Variants in KCNQ5 observed in about 807,000 individuals in gnomAD.
KCNQ5 encodes the protein potassium voltage-gated channel subfamily Q member 5, also known as potassium voltage-gated channel subfamily KQT member 5.
A neutral mutation model predicts 98.2 loss-of-function variants in KCNQ5; 30 were observed. The observed-to-expected ratio is 0.31, with a 90% CI of 0.23 to 0.41. The LOEUF is 0.41. Ranked by LOEUF, KCNQ5 falls within the 10% of genes least tolerant of loss-of-function variation. The probability of loss-of-function intolerance (pLI) is 1.00; values close to 1 mark genes in which losing one functional copy is unlikely to be tolerated. For synonymous variants in KCNQ5, 458 were observed against 449.4 expected (o/e 1.02, Z -0.24); for missense variants, 835 against 1,182.5 (o/e 0.71, Z 4.31).
intron 11 of KCNQ5, among the ~76,000 whole-genome samples, chr6:73,173,094 A>G (rs1192748545): frequency 6.6e-6 from 1 of 152,224 alleles, no homozygotes; most frequent in Admixed American, 6.5e-5. Flanking sequence ...TACATAGTAA[A>G]GAATTACTAT....
At position 73,025,623 on chromosome 6, in the gene KCNQ5, C is replaced by CAAAAAAAAAAAAAAAAAA. The variant is rs58607159; in HGVS notation, c.490-16294_490-16277dup. 4.9e-4 allele frequency among the ~76,000 whole-genome samples: 26 copies of CAAAAAAAAAAAAAAAAAA among 52,996 alleles called. 1 individual carries two copies. The highest frequency in any genetic ancestry group is 1.5e-3 in the East Asian group (3 of 1,976). 34.8% of individuals were successfully genotyped at this position (52,996 alleles called of 152,430 possible). On this transcript the variant is annotated intron_variant, in intron 2 of 13. Coordinates refer to ENST00000370398, the MANE Select transcript of KCNQ5 (RefSeq NM_019842.4). Reference sequence around the variant, plus strand: ...GGGCGACAAGAGCAAAACTCCATCTCAAAAAAAAAAAAAAAAAAAAAAAAA... The same window carrying CAAAAAAAAAAAAAAAAAA: ...GGGCGACAAGAGCAAAACTCCATCTCAAAAAAAAAAAAAAAAAAAAAAAAAAAAAAAAAAAAAAAAAAA...
At chr6:72,637,193 T>C (rs975199567) in intron 1 of KCNQ5, among the ~76,000 whole-genome samples, 1 of 152,192 alleles carries the variant, frequency 6.6e-6, no homozygotes, top group Non-Finnish European at 1.5e-5. Context: ...ATACTTTGTT[T>C]GGAGATGTTA....
intron 1 of KCNQ5, among the ~76,000 whole-genome samples, chr6:72,823,699 T>C (rs1335025752): frequency 6.6e-6 from 1 of 152,144 alleles, no homozygotes; most frequent in Non-Finnish European, 1.5e-5. Flanking sequence ...CACATCCTAC[T>C]TCTGTGACAC....
chr6:72,655,060 C>G (rs1766099991), intron 1 of KCNQ5, among the ~76,000 whole-genome samples: 1 of 149,082 alleles, frequency 6.7e-6, no homozygotes, highest in Admixed American at 6.7e-5. Flanking sequence ...TTCTTTCTTT[C>G]TTTCTTTCTT....
intron 1 of KCNQ5, among the ~76,000 whole-genome samples, chr6:72,953,493 C>T (rs1766903401): frequency 6.6e-6 from 1 of 152,194 alleles, no homozygotes; most frequent in Non-Finnish European, 1.5e-5. Context: ...AACAATTATA[C>T]TTAAATTCCT....
intron 1 of KCNQ5, among the ~76,000 whole-genome samples, chr6:72,873,771 T>C (rs956425180): frequency 1.3e-5 from 2 of 152,092 alleles, no homozygotes; most frequent in African/African-American, 4.8e-5. Context: ...ACAAATGAGA[T>C]GAGCTAGTTT....
chr6:73,026,447 T>C (rs1330680359), intron 2 of KCNQ5, among the ~76,000 whole-genome samples: 2 of 152,150 alleles, frequency 1.3e-5, no homozygotes, highest in Non-Finnish European at 2.9e-5. Context: ...TTGACTCCCT[T>C]AATAACTTAG....
At chr6:72,668,398 A>C (rs1380923261) in intron 1 of KCNQ5, among the ~76,000 whole-genome samples, 1 of 152,150 alleles carries the variant, frequency 6.6e-6, no homozygotes, top group African/African-American at 2.4e-5. Context: ...AGAGCAATGA[A>C]ATAAATTAAG....
chr6:72,986,535 C>G, intron 1 of KCNQ5: 4 of 560,898 alleles, frequency 7.1e-6, no homozygotes, highest in Non-Finnish European at 1.3e-5. Context: ...TGGGAAGGCA[C>G]CTGAGATGCC....
intron 1 of KCNQ5, among the ~76,000 whole-genome samples, chr6:72,917,428 G>GCCC (rs35159235): frequency 3.3e-5 from 5 of 151,256 alleles, no homozygotes; most frequent in African/African-American, 1.2e-4. Flanking sequence ...GGATTTAGGA[G>GCCC]CCCCCCCACC....
chr6:72,706,705 C>A (rs1253446167), intron 1 of KCNQ5, among the ~76,000 whole-genome samples: 2 of 152,064 alleles, frequency 1.3e-5, no homozygotes, highest in African/African-American at 2.4e-5. Context: ...CATCAAGGTG[C>A]CTTCTACATA....
intron 1 of KCNQ5, among the ~76,000 whole-genome samples, chr6:72,960,973 A>T (rs898238250): frequency 3.3e-5 from 5 of 151,488 alleles, no homozygotes; most frequent in East Asian, 1.9e-4. Flanking sequence ...TCATCTCTTT[A>T]AAAAAAATGC....
intron 1 of KCNQ5, among the ~76,000 whole-genome samples, chr6:72,868,726 T>C (rs1462276122): frequency 6.6e-6 from 1 of 152,122 alleles, no homozygotes; most frequent in Non-Finnish European, 1.5e-5. Context: ...TGGATGGCAG[T>C]CTACATGGTA....
At chr6:72,969,364 T>C (rs572464865) in intron 1 of KCNQ5, among the ~76,000 whole-genome samples, 41 of 152,326 alleles carry the variant, frequency 2.7e-4, no homozygotes, top group African/African-American at 9.9e-4. Flanking sequence ...AATACAGGTA[T>C]AACATGTAAG....
At position 73,195,581 on chromosome 6, in the gene KCNQ5, G is replaced by A. The variant is rs1765764960; in HGVS notation, c.*167G>A. On this transcript the variant is annotated 3_prime_UTR_variant, in exon 14 of 14. Coordinates refer to ENST00000370398, the MANE Select transcript of KCNQ5 (RefSeq NM_019842.4). ...AATTGCATGAAAATGCATGTTTAGG[G>A]ATGGCTAAAATTCCAAGGTGCATCG... The A allele has an allele frequency of 1.1e-6, 1 of 872,902 alleles. No individual in the cohort carries two copies. Among genetic ancestry groups the A allele is most frequent in the Non-Finnish European group, 1.7e-6 (1 of 584,648 alleles). The allele number at this position is 872,902 out of a possible 1,614,324, so 54.1% of individuals were successfully genotyped here. A position where few individuals can be genotyped will look rare whatever the true frequency, so the allele number is the denominator to read the frequency against.
chr6:72,623,391 A>AGTGTGTGTGTGT (rs1214797915), intron 1 of KCNQ5, among the ~76,000 whole-genome samples: 14,776 of 142,914 alleles, frequency 0.1, 836 homozygotes, highest in Middle Eastern at 0.17. Flanking sequence ...GGAGTCAAAG[A>AGTGTGTGTGTGT]GTGTGTGTGT....
At chr6:72,671,522 C>T (rs771647577) in intron 1 of KCNQ5, among the ~76,000 whole-genome samples, 3 of 152,154 alleles carry the variant, frequency 2.0e-5, no homozygotes, top group African/African-American at 2.4e-5. Flanking sequence ...AAGATAATGA[C>T]AATGAACACA....
At chr6:72,635,723 G>C (rs535402720) in intron 1 of KCNQ5, among the ~76,000 whole-genome samples, 8 of 134,210 alleles carry the variant, frequency 6.0e-5, no homozygotes, top group African/African-American at 2.0e-4. Context: ...TACCTTTCTG[G>C]AATGGTGTTT....
intron 1 of KCNQ5, among the ~76,000 whole-genome samples, chr6:72,807,345 AATTG>A (rs1265140408): frequency 2.0e-5 from 3 of 152,294 alleles, no homozygotes; most frequent in South Asian, 4.1e-4. Context: ...TTTCAAAAGT[AATTG>A]ATTGATTTAT....
Sources: allele counts gnomAD v4.1 joint callset (sites outside exome capture counted in the v4.1 genomes callset), GRCh38; gene constraint gnomAD v4.1.1; transcripts MANE v1.5; gene names NCBI Gene and HGNC (gene_info 2026-07-23, HGNC 2026-07-21).